CNTLN: variants seen among roughly 807,000 people sequenced by gnomAD.
The protein encoded by CNTLN is centlein, centrosomal protein.
CNTLN carries 212 observed loss-of-function variants against 180.0 expected under a neutral mutation model. The observed-to-expected ratio is 1.18, with a 90% CI of 1.05 to 1.32. The LOEUF (loss-of-function observed/expected upper bound fraction) is 1.32, where lower values mean the gene tolerates loss of function less well. Among genes scored for constraint, CNTLN ranks in the 40% most tolerant of loss-of-function variants. CNTLN has a pLI of 0.00. For missense variants in CNTLN, 2,095 were observed against 1,610.9 expected (o/e 1.30, Z -5.14); for synonymous variants, 722 against 563.1 (o/e 1.28, Z -3.99).
At chr9:17,272,661 A>T (rs1828033283) in intron 5 of CNTLN, among the ~76,000 whole-genome samples, 1 of 152,110 alleles carries the variant, frequency 6.6e-6, no homozygotes, top group South Asian at 2.1e-4. Flanking sequence ...GTGTGTTAAA[A>T]AATTTCTTCT....
chr9:17,360,353 T>C (rs560048481), intron 12 of CNTLN, among the ~76,000 whole-genome samples: 4 of 152,122 alleles, frequency 2.6e-5, no homozygotes, highest in Admixed American at 1.3e-4. Context: ...CATGGGTAAG[T>C]GGGAATTTAT....
intron 13 of CNTLN, among the ~76,000 whole-genome samples, chr9:17,383,398 C>T (rs1223918429): frequency 1.3e-5 from 2 of 151,876 alleles, no homozygotes; most frequent in South Asian, 4.2e-4. Flanking sequence ...CTTGTACTAC[C>T]AGCTACTTGG....
At chr9:17,407,370 C>T (rs889961892) in intron 15 of CNTLN, among the ~76,000 whole-genome samples, 1 of 152,176 alleles carries the variant, frequency 6.6e-6, no homozygotes, top group Non-Finnish European at 1.5e-5. Context: ...ATCAGACTAA[C>T]CAGTAACCTT....
intron 13 of CNTLN, among the ~76,000 whole-genome samples, chr9:17,379,170 T>A (rs1430639847): frequency 6.6e-6 from 1 of 152,136 alleles, no homozygotes; most frequent in Non-Finnish European, 1.5e-5. Flanking sequence ...CCCACTTTTT[T>A]CCCTCGGCTA....
At chr9:17,298,625 G>C (rs1439525271) in intron 7 of CNTLN, 108 of 1,063,440 alleles carry the variant, frequency 1.0e-4, no homozygotes, top group Non-Finnish European at 1.2e-4. Context: ...GACAGCTTCT[G>C]TGAAACATAC....
intron 23 of CNTLN, among the ~76,000 whole-genome samples, chr9:17,478,310 T>C (rs555323968): frequency 7.9e-5 from 12 of 152,296 alleles, no homozygotes; most frequent in African/African-American, 2.6e-4. Context: ...ATTTTGGCTA[T>C]TAACCTCTAT....
chr9:17,283,254 C>G (rs992403571), intron 6 of CNTLN, among the ~76,000 whole-genome samples: 1 of 152,116 alleles, frequency 6.6e-6, no homozygotes, highest in African/African-American at 2.4e-5. Context: ...TTTGCCCTCT[C>G]TTATTTCTTT....
intron 2 of CNTLN, among the ~76,000 whole-genome samples, chr9:17,209,000 C>T (rs1823107246): frequency 6.6e-6 from 1 of 151,746 alleles, no homozygotes; most frequent in Non-Finnish European, 1.5e-5. Flanking sequence ...TTTGTTTGCC[C>T]TTTCCTAGTT....
intron 24 of CNTLN, among the ~76,000 whole-genome samples, chr9:17,484,913 A>G (rs1314319169): frequency 1.3e-5 from 2 of 152,172 alleles, no homozygotes. Flanking sequence ...GCTAAATTCA[A>G]AATTATTATT....
intron 10 of CNTLN, among the ~76,000 whole-genome samples, chr9:17,338,164 T>A (rs6475137): frequency 0.54 from 79,619 of 147,132 alleles, 22,166 homozygotes; most frequent in East Asian, 0.72. Context: ...TCTTTCTTTT[T>A]CTTTCTTTTT....
At chr9:17,370,082 T>C (rs1334365748) in intron 13 of CNTLN, among the ~76,000 whole-genome samples, 2 of 148,142 alleles carry the variant, frequency 1.4e-5, no homozygotes, top group East Asian at 2.0e-4. Context: ...AAAGGGAAAA[T>C]GTAGGAGTTA....
At position 17,502,817 on chromosome 9, in the gene CNTLN, C is replaced by A. The variant is rs1456954269; in HGVS notation, c.*165C>A. Reference sequence around the variant, plus strand: ...ATAATTAATTGCTGAACAAGTGAAACTAATTAAGTACATAGCCATTTAAAA... The same window carrying A: ...ATAATTAATTGCTGAACAAGTGAAAATAATTAAGTACATAGCCATTTAAAA... On this transcript the variant is annotated 3_prime_UTR_variant, in exon 26 of 26. Transcript: ENST00000380647. The A allele has an allele frequency of 1.8e-5, 7 of 385,664 alleles. No individual in the cohort carries two copies. The South Asian group carries it at 3.1e-4, about 17-fold the overall frequency. The allele number at this position is 385,664 out of a possible 1,614,324, so 23.9% of individuals were successfully genotyped here. A position where few individuals can be genotyped will look rare whatever the true frequency, so the allele number is the denominator to read the frequency against.
chr9:17,294,423 CA>C, intron 6 of CNTLN, among the ~76,000 whole-genome samples: 1 of 134,316 alleles, frequency 7.4e-6, no homozygotes. Context: ...AAAAGTTCTC[CA>C]AGTCCCACTA....
chr9:17,182,043 C>T (rs779849486), intron 2 of CNTLN, among the ~76,000 whole-genome samples: 29 of 152,142 alleles, frequency 1.9e-4, no homozygotes, highest in Non-Finnish European at 3.4e-4. Flanking sequence ...TCCACTTGTC[C>T]TTCTCTGAAA....
intron 5 of CNTLN, among the ~76,000 whole-genome samples, chr9:17,246,100 T>G (rs373076940): frequency 6.6e-6 from 1 of 152,192 alleles, no homozygotes; most frequent in East Asian, 2.0e-4. Context: ...TTGTGGATAT[T>G]CATTGGTATC....
intron 18 of CNTLN, among the ~76,000 whole-genome samples, chr9:17,443,819 A>G (rs1013319227): frequency 1.3e-5 from 2 of 152,190 alleles, no homozygotes; most frequent in Non-Finnish European, 2.9e-5. Context: ...TATCTGCTAT[A>G]TGGGCAAAGA....
chr9:17,247,110 C>G (rs1270032221), intron 5 of CNTLN, among the ~76,000 whole-genome samples: 1 of 152,130 alleles, frequency 6.6e-6, no homozygotes, highest in Non-Finnish European at 1.5e-5. Flanking sequence ...ATGGGTGATA[C>G]AAGTATTCCC....
intron 5 of CNTLN, among the ~76,000 whole-genome samples, chr9:17,249,120 TTC>T (rs1254874807): frequency 6.6e-6 from 1 of 152,210 alleles, no homozygotes; most frequent in East Asian, 1.9e-4. Flanking sequence ...TAGTTTGCTA[TTC>T]TGTTTCTGGG....
At chr9:17,339,343 A>G (rs113527886) in intron 10 of CNTLN, among the ~76,000 whole-genome samples, 3,354 of 152,348 alleles carry the variant, frequency 0.022, 130 homozygotes, top group African/African-American at 0.077. Context: ...TCTAAAAGAT[A>G]AGGGCATCAC....
Sources: gnomAD v4.1 joint callset for allele counts (sites outside exome capture counted in the v4.1 genomes callset) on GRCh38, gnomAD v4.1.1 for gene constraint, MANE v1.5 for transcripts, NCBI Gene and HGNC (gene_info 2026-07-23, HGNC 2026-07-21) for gene names.